Variants in ANO6 observed in about 807,000 individuals in gnomAD.
ANO6 encodes anoctamin-6.
A neutral mutation model predicts 117.5 loss-of-function variants in ANO6; 106 were observed. The observed-to-expected ratio is 0.90, with a 90% CI of 0.77 to 1.06. ANO6 has a LOEUF of 1.06. Ranked by LOEUF, ANO6 falls within the 50% of genes least tolerant of loss-of-function variation. The pLI is 0.00. For missense variants in ANO6, 955 were observed against 1,121.1 expected, an observed-to-expected ratio of 0.85 and a Z score of 2.12; for synonymous variants, 367 against 385.1, an observed-to-expected ratio of 0.95 and a Z score of 0.55.
At position 45,429,317 on chromosome 12, in the gene ANO6, TTA is replaced by T. The variant is rs1343273647; in HGVS notation, c.*8_*9del. 3.1e-6 allele frequency: 5 copies of T among 1,612,708 alleles called. No individual in the cohort carries two copies. Among genetic ancestry groups the T allele is most frequent in the Non-Finnish European group, 4.2e-6 (5 of 1,179,384 alleles). On this transcript the variant is annotated 3_prime_UTR_variant, in exon 20 of 20. Coordinates refer to ENST00000320560, the MANE Select transcript of ANO6 (RefSeq NM_001025356.3). ...TACGGCCAAAATCAGAATAAGAGCT[TTA>T]TGTTCTGAGAAGCACTTTAAGGAAT...
intron 10 of ANO6, among the ~76,000 whole-genome samples, chr12:45,384,023 A>G (rs754699466): frequency 1.3e-5 from 2 of 152,224 alleles, no homozygotes; most frequent in African/African-American, 2.4e-5. Flanking sequence ...TTGTGTGGCT[A>G]CCTTCATCAA....
At chr12:45,221,009 G>A (rs1283548130) in intron 1 of ANO6, among the ~76,000 whole-genome samples, 1 of 151,924 alleles carries the variant, frequency 6.6e-6, no homozygotes, top group Non-Finnish European at 1.5e-5. Context: ...GTAGCCGGTG[G>A]GTCAGAAACC....
chr12:45,270,501 A>G, intron 1 of ANO6: 3 of 1,344,060 alleles, frequency 2.2e-6, no homozygotes, highest in Non-Finnish European at 3.1e-6. Flanking sequence ...CTGACTCCTC[A>G]TACTCACCTC....
At chr12:45,247,620 G>A (rs2066027287) in intron 1 of ANO6, among the ~76,000 whole-genome samples, 1 of 152,186 alleles carries the variant, frequency 6.6e-6, no homozygotes, top group South Asian at 2.1e-4. Context: ...TGGAGGCTGG[G>A]AGTCTGGGAT....
At chr12:45,355,720 T>C (rs1941394413) in intron 7 of ANO6, among the ~76,000 whole-genome samples, 1 of 152,150 alleles carries the variant, frequency 6.6e-6, no homozygotes, top group African/African-American at 2.4e-5. Context: ...CAGGTCTGTC[T>C]CAGCTCTTCC....
In ANO6 at chr12:45,410,554, G is replaced by A. The variant is rs751869612; in HGVS notation, c.2011+1067G>A. On this transcript the variant is annotated intron_variant, in intron 16 of 19. Coordinates refer to ENST00000320560, the MANE Select transcript of ANO6 (RefSeq NM_001025356.3). ...CCACCTTTTGTATTATGCATGACAC[G>A]CTTATATCTAATAGATGGCTAACAA... is the stretch of plus-strand genomic sequence containing the variant. 7.2e-5 allele frequency among the ~76,000 whole-genome samples: 11 copies of A among 152,266 alleles called. No homozygotes were observed. In the East Asian group the frequency reaches 7.7e-4, roughly 11 times the overall value.
At position 45,348,191 on chromosome 12, in the gene ANO6, T is replaced by C; in HGVS notation, c.509T>C (p.Val170Ala). ...TLNWFTKVLS[V>A]DESIIKPEQE... ...AACTGGTTTACCAAAGTCCTCAGTGTAGACGAAAGCATCATCAAGCCAGAG... is the reference window on the plus strand; with the variant it reads ...AACTGGTTTACCAAAGTCCTCAGTGCAGACGAAAGCATCATCAAGCCAGAG... The change falls in exon 5 of 20, where the codon GTA (valine) becomes GCA (alanine). Residue 170 changes from valine to alanine, a missense_variant. Coordinates refer to ENST00000320560, the MANE Select transcript of ANO6 (RefSeq NM_001025356.3). 1.2e-6 allele frequency: 2 copies of C among 1,614,100 alleles called. No individual in the cohort carries two copies. The highest frequency in any genetic ancestry group is 4.5e-5 in the East Asian group (2 of 44,874).
chr12:45,221,061 G>GGT (rs1555156321), intron 1 of ANO6, among the ~76,000 whole-genome samples: 1 of 151,690 alleles, frequency 6.6e-6, no homozygotes, highest in African/African-American at 2.4e-5. Flanking sequence ...GTCGGAAGTG[G>GGT]GGGGGGGCAG....
intron 16 of ANO6, among the ~76,000 whole-genome samples, chr12:45,415,513 G>A (rs2137679353): frequency 6.6e-6 from 1 of 152,322 alleles, no homozygotes; most frequent in South Asian, 2.1e-4. Flanking sequence ...TTACTTGCAT[G>A]CCCTGCGGGC....
chr12:45,281,687 G>A lies in ANO6; in HGVS notation c.71-20327G>A, dbSNP rs140693224. ...CCACTAGATGCTGCATCCAACATTCGGGATTACATTTCAACAGGAGATTTG... is the reference window on the plus strand; with the variant it reads ...CCACTAGATGCTGCATCCAACATTCAGGATTACATTTCAACAGGAGATTTG... On this transcript the variant is annotated intron_variant, in intron 1 of 19. Coordinates refer to ENST00000320560, the MANE Select transcript of ANO6 (RefSeq NM_001025356.3). Among the ~76,000 whole-genome samples, 516 of 152,188 alleles carry A rather than the reference G, an allele frequency of 3.4e-3. 3 individuals are homozygous for A. The highest frequency in any genetic ancestry group is 0.02 in the Middle Eastern group (6 of 294).
chr12:45,416,374 C>T (rs1044889560), intron 16 of ANO6, among the ~76,000 whole-genome samples: 3 of 151,822 alleles, frequency 2.0e-5, no homozygotes, highest in Non-Finnish European at 4.4e-5. Flanking sequence ...CATTCTATTT[C>T]AACACTGAGA....
intron 1 of ANO6, among the ~76,000 whole-genome samples, chr12:45,251,389 A>C (rs2137188290): frequency 6.6e-6 from 1 of 152,350 alleles, no homozygotes; most frequent in East Asian, 1.9e-4. Context: ...TAGTTTTTGC[A>C]CAGAGATTCA....
intron 1 of ANO6, among the ~76,000 whole-genome samples, chr12:45,284,289 A>C (rs932676031): frequency 6.6e-6 from 1 of 152,182 alleles, no homozygotes; most frequent in South Asian, 2.1e-4. Context: ...TTTAACCTAC[A>C]GTCAAACAGT....
At chr12:45,325,000 G>T (rs1565691470) in intron 2 of ANO6, among the ~76,000 whole-genome samples, 1 of 152,122 alleles carries the variant, frequency 6.6e-6, no homozygotes, top group South Asian at 2.1e-4. Context: ...CAGTTTTGTG[G>T]TCTAAGAACC....
At chr12:45,375,260 G>A (rs928915758) in intron 9 of ANO6, among the ~76,000 whole-genome samples, 129 of 152,242 alleles carry the variant, frequency 8.5e-4, no homozygotes, top group Middle Eastern at 3.4e-3. Flanking sequence ...AATCAATATC[G>A]TGAAAATGGC....
chr12:45,414,816 T>G (rs562255752), intron 16 of ANO6, among the ~76,000 whole-genome samples: 144 of 152,320 alleles, frequency 9.5e-4, no homozygotes, highest in Non-Finnish European at 1.8e-3. Context: ...CAGGCTGGAG[T>G]GCAGTGGCAC....
intron 1 of ANO6, among the ~76,000 whole-genome samples, chr12:45,257,402 C>T (rs1200244508): frequency 6.6e-6 from 1 of 152,176 alleles, no homozygotes; most frequent in Non-Finnish European, 1.5e-5. Flanking sequence ...CTCTTCAGCA[C>T]TCAGCATAGA....
rs1295079422 is a variant in ANO6 at position 45,383,660 on chromosome 12, T to C, written c.1166-4501T>C. On this transcript the variant is annotated intron_variant, in intron 10 of 19. Coordinates refer to ENST00000320560, the MANE Select transcript of ANO6 (RefSeq NM_001025356.3). ...CCATCAGAGTTCTTGGGTGAGTGGA[T>C]GCATTGCCAATGAGCAGTAATTTTT... Among the ~76,000 whole-genome samples the C allele has an allele frequency of 3.9e-5, 6 of 152,360 alleles. No homozygotes were observed. The East Asian group carries it at 1.2e-3, about 29-fold the overall frequency.
At chr12:45,245,855 G>C (rs1947816924) in intron 1 of ANO6, among the ~76,000 whole-genome samples, 2 of 151,430 alleles carry the variant, frequency 1.3e-5, no homozygotes, top group African/African-American at 4.9e-5. Context: ...TCCCATGGCT[G>C]ATTACTATGT....
Sources: allele counts gnomAD v4.1 joint callset (sites outside exome capture counted in the v4.1 genomes callset), GRCh38; gene constraint gnomAD v4.1.1; transcripts MANE v1.5; gene names NCBI Gene and HGNC (gene_info 2026-07-23, HGNC 2026-07-21).